The following FNDC3A variants were observed in gnomAD, a reference collection of about 807,000 sequenced individuals.
The protein encoded by FNDC3A is fibronectin type-III domain-containing protein 3A.
In FNDC3A, 32 loss-of-function variants were observed where a neutral mutation model predicts 148.9. The ratio of observed to expected loss-of-function variants is 0.21; its 90% CI spans 0.16 to 0.29. The LOEUF is 0.29. Among genes scored for constraint, FNDC3A ranks in the 10% least tolerant of loss-of-function variants. The pLI is 1.00. For missense variants in FNDC3A, 1,191 were observed against 1,452.8 expected, an observed-to-expected ratio of 0.82 and a Z score of 2.93; for synonymous variants, 472 against 473.6, an observed-to-expected ratio of 1.00 and a Z score of 0.04.
At chr13:49,097,000 G>C (rs1879567697) in intron 3 of FNDC3A, among the ~76,000 whole-genome samples, 1 of 152,108 alleles carries the variant, frequency 6.6e-6, no homozygotes, top group Non-Finnish European at 1.5e-5. Context: ...ACTGTGATTA[G>C]AGAGGTAGCT....
intron 2 of FNDC3A, among the ~76,000 whole-genome samples, chr13:49,053,321 T>G (rs946053400): frequency 6.6e-6 from 1 of 152,224 alleles, no homozygotes; most frequent in African/African-American, 2.4e-5. Flanking sequence ...CTGTTCTGTC[T>G]GAGTGGGAGC....
At chr13:49,122,788 C>T (rs1360196381) in intron 4 of FNDC3A, among the ~76,000 whole-genome samples, 1 of 152,098 alleles carries the variant, frequency 6.6e-6, no homozygotes, top group Non-Finnish European at 1.5e-5. Context: ...ATCCAACTTA[C>T]AAGGGATGTG....
At chr13:49,185,658 C>T (rs1434619939) in intron 14 of FNDC3A, among the ~76,000 whole-genome samples, 1 of 152,112 alleles carries the variant, frequency 6.6e-6, no homozygotes, top group African/African-American at 2.4e-5. Flanking sequence ...ACAAAGCAAG[C>T]CTAAAGCCCA....
intron 4 of FNDC3A, among the ~76,000 whole-genome samples, chr13:49,126,002 ATTTT>A (rs1273207955): frequency 1.3e-5 from 2 of 152,080 alleles, no homozygotes; most frequent in African/African-American, 4.8e-5. Context: ...TTTGAATTAT[ATTTT>A]ATCTTTTTTT....
At position 49,158,215 on chromosome 13, in the gene FNDC3A, A is replaced by G. The variant is rs568633901; in HGVS notation, c.978-9029A>G. Among the ~76,000 whole-genome samples the G allele has an allele frequency of 5.8e-4, 88 of 151,994 alleles. 1 individual carries two copies. Among genetic ancestry groups the G allele is most frequent in the Non-Finnish European group, 1.1e-3 (73 of 68,000 alleles). The stretch of plus-strand genomic sequence containing the variant: ...CCCTCCGAGCCAGGTGCAGGATATA[A>G]TCTCGTGGTGCGCCGTTTTTTAAGC... On this transcript the variant is annotated intron_variant, in intron 8 of 25. Transcript: ENST00000492622.
intron 2 of FNDC3A, among the ~76,000 whole-genome samples, chr13:49,040,153 C>T (rs562289434): frequency 1.1e-4 from 17 of 152,210 alleles, no homozygotes; most frequent in African/African-American, 4.1e-4. Context: ...TGGTAGTAGC[C>T]GCCTTACCAA....
At chr13:49,123,615 A>G (rs751705063) in intron 4 of FNDC3A, among the ~76,000 whole-genome samples, 9 of 152,206 alleles carry the variant, frequency 5.9e-5, no homozygotes, top group Non-Finnish European at 1.0e-4. Flanking sequence ...ACAAAGGGCT[A>G]ATATCCAGAA....
chr13:49,044,657 G>A (rs779327352), intron 2 of FNDC3A: 4 of 220,632 alleles, frequency 1.8e-5, no homozygotes, highest in Non-Finnish European at 1.9e-5. Flanking sequence ...GCGACAAAGT[G>A]AGACTCTGTC....
intron 2 of FNDC3A, among the ~76,000 whole-genome samples, chr13:49,009,332 T>C (rs1952289226): frequency 6.6e-6 from 1 of 152,214 alleles, no homozygotes; most frequent in East Asian, 1.9e-4. Flanking sequence ...CTTCATTGTA[T>C]AGATGGACCA....
intron 2 of FNDC3A, among the ~76,000 whole-genome samples, chr13:49,031,382 C>CAAAT (rs1173835267): frequency 6.6e-6 from 1 of 152,058 alleles, no homozygotes; most frequent in African/African-American, 2.4e-5. Flanking sequence ...GACTCCATCT[C>CAAAT]AAATAAATAA....
chr13:49,187,106 T>G lies in FNDC3A; in HGVS notation c.1757-16T>G, dbSNP rs551365381. The G allele has an allele frequency of 1.3e-6, 2 of 1,599,210 alleles. No homozygotes were observed. The highest frequency in any genetic ancestry group is 1.1e-5 in the South Asian group (1 of 90,454). Reference sequence around the variant, plus strand: ...GTTTTGTACCTTGCCTAATACTACTTTGCTTCTTTGGATAGATCCACCAAA... The same window carrying G: ...GTTTTGTACCTTGCCTAATACTACTGTGCTTCTTTGGATAGATCCACCAAA... On this transcript the variant is annotated splice_polypyrimidine_tract_variant and intron_variant, in intron 15 of 25. Transcript: ENST00000492622.
chr13:49,197,314 T>G (rs537313518), intron 20 of FNDC3A, among the ~76,000 whole-genome samples: 28 of 152,368 alleles, frequency 1.8e-4, no homozygotes, highest in Admixed American at 8.5e-4. Flanking sequence ...ATTTCTCTTA[T>G]ATTTATCCAG....
At chr13:49,077,993 T>C (rs554761327) in intron 3 of FNDC3A, among the ~76,000 whole-genome samples, 29 of 152,246 alleles carry the variant, frequency 1.9e-4, no homozygotes, top group African/African-American at 6.3e-4. Flanking sequence ...CTTCATAGAG[T>C]GTAAGTTTCT....
In FNDC3A at chr13:49,101,168, C is replaced by G. The variant is rs142075380; in HGVS notation, c.176-13487C>G. On this transcript the variant is annotated intron_variant, in intron 3 of 25. Transcript: ENST00000492622. ...CTAATTCTTCACTCCCCTTATCTCC[C>G]TTTAGACTATTTGCTTATTTCATTG... Among the ~76,000 whole-genome samples the G allele has an allele frequency of 3.6e-4, 55 of 152,204 alleles. No homozygotes were observed. In the East Asian group the frequency reaches 7.3e-3, roughly 20 times the overall value.
chr13:49,145,713 A>G, intron 7 of FNDC3A, 65 bp from the exon 8 acceptor site: 1 of 1,278,264 alleles, frequency 7.8e-7, no homozygotes, highest in Non-Finnish European at 1.1e-6. Context: ...CTCATTAGAT[A>G]TTTCACTGCT....
Position 49,203,238 on chromosome 13 carries a change from T to C in FNDC3A, c.3236T>C (p.Ile1079Thr), listed in dbSNP as rs1467828607. Residue 1079 changes from isoleucine (I) to threonine (T), a missense_variant, in exon 25 of 26, where the codon ATT (isoleucine) becomes ACT (threonine). By Grantham distance (89) the Ile-to-Thr change is moderately conservative (BLOSUM62 -1). Coordinates refer to ENST00000492622, the MANE Select transcript of FNDC3A (RefSeq NM_001079673.2). ...CLQPMKGDPV[I>T]YSLQVMLGKD... ...CAGCCAATGAAAGGTGATCCAGTTA[T>C]TTACAGTCTTCAAGTTATGTTGGGA... 1 of 1,607,260 alleles carries C rather than the reference T, an allele frequency of 6.2e-7. No homozygotes were observed. The highest frequency in any genetic ancestry group is 8.5e-7 in the Non-Finnish European group (1 of 1,174,166).
intron 10 of FNDC3A, 124 bp downstream of exon 10, chr13:49,168,875 G>A (rs1009946751): frequency 1.2e-6 from 1 of 828,340 alleles, no homozygotes; most frequent in African/African-American, 1.7e-5. Context: ...TTACATATAA[G>A]ACACAAATGC....
intron 13 of FNDC3A, among the ~76,000 whole-genome samples, 175 bp from the exon 14 acceptor site, chr13:49,178,393 C>T (rs573824817): frequency 6.6e-6 from 1 of 152,302 alleles, no homozygotes; most frequent in South Asian, 2.1e-4. Flanking sequence ...ATAAGCATTT[C>T]CGGGTCTACC....
At chr13:49,072,154 T>C (rs1399911560) in intron 2 of FNDC3A, among the ~76,000 whole-genome samples, 1 of 152,220 alleles carries the variant, frequency 6.6e-6, no homozygotes, top group Non-Finnish European at 1.5e-5. Context: ...TTTTAGGTCT[T>C]ACATTTAAAT....
Sources: allele counts gnomAD v4.1 joint callset (sites outside exome capture counted in the v4.1 genomes callset), GRCh38; gene constraint gnomAD v4.1.1; transcripts MANE v1.5; gene names NCBI Gene and HGNC (gene_info 2026-07-23, HGNC 2026-07-21).